The following FECH variants were observed in gnomAD, a reference collection of about 807,000 sequenced individuals.
The protein encoded by FECH is ferrochelatase.
FECH carries 40 observed loss-of-function variants against 56.9 expected under a neutral mutation model. The ratio of observed to expected loss-of-function variants is 0.70; its 90% confidence interval spans 0.55 to 0.92. The LOEUF (loss-of-function observed/expected upper bound fraction) is 0.92. Among genes scored for constraint, FECH ranks in the 40% least tolerant of loss-of-function variants. FECH has a pLI of 0.00. For synonymous variants in FECH, 175 were observed against 198.6 expected (o/e 0.88, Z 1.00); for missense variants, 431 against 529.1 (o/e 0.81, Z 1.82).
chr18:57,579,289 A>ATATGTGTGTGTGTGTG (rs1555681607), intron 2 of FECH, among the ~76,000 whole-genome samples: 126 of 141,996 alleles, frequency 8.9e-4, no homozygotes, highest in Non-Finnish European at 1.0e-3. Flanking sequence ...GTGTGTATAT[A>ATATGTGTGTGTGTGTG]TGTGTGTGTG....
Position 57,547,771 on chromosome 18 carries a change from T to C in FECH, c.*2941A>G, listed in dbSNP as rs1388575507. On this transcript the variant is annotated 3_prime_UTR_variant, in exon 11 of 11. Transcript: ENST00000262093. ...CCTCAGCCTCCTAAGTAGCTGGAAC[T>C]ACAGGCATGTGACACTACACCCAGT... Among the ~76,000 whole-genome samples, 1 of 152,152 alleles carries C rather than the reference T, an allele frequency of 6.6e-6. No individual in the cohort carries two copies. Among genetic ancestry groups the C allele is most frequent in the African/African-American group, 2.4e-5 (1 of 41,442 alleles).
chr18:57,554,136 GAGGA>G (rs2050835410), intron 9 of FECH, 120 bp downstream of exon 9: 4 of 1,032,518 alleles, frequency 3.9e-6, no homozygotes, highest in African/African-American at 1.6e-5. Context: ...TCAGGAGAAT[GAGGA>G]CACCGTACAT....
rs1474244417 is a variant in FECH at position 57,546,062 on chromosome 18, C to T, written c.*4650G>A. Among the ~76,000 whole-genome samples, 3 of 152,102 alleles carry T rather than the reference C, an allele frequency of 2.0e-5. No individual in the cohort carries two copies. The highest frequency in any genetic ancestry group is 7.2e-5 in the African/African-American group (3 of 41,404). ...GAAGCTGAATAATCTTAATTTAGGG[C>T]ATTAGTTTCCGGGTGAGCTCAGAAT... On this transcript the variant is annotated 3_prime_UTR_variant, in exon 11 of 11. Coordinates refer to ENST00000262093, the MANE Select transcript of FECH (RefSeq NM_000140.5).
At position 57,550,575 on chromosome 18, in the gene FECH, A is replaced by G; in HGVS notation, c.*137T>C. On this transcript the variant is annotated 3_prime_UTR_variant, in exon 11 of 11. Coordinates refer to ENST00000262093, the MANE Select transcript of FECH (RefSeq NM_000140.5). ...AAGAGTCCAATCCTCAAGAAACCAC[A>G]CAATTTGTACCCAAAGGCTGTATAT... 9.3e-7 allele frequency: 1 copy of G among 1,075,422 alleles called. No homozygotes were observed. The allele number at this position is 1,075,422 out of a possible 1,614,324, so 66.6% of individuals were successfully genotyped here.
rs1009991628 is a variant in FECH at position 57,546,136 on chromosome 18, A to G, written c.*4576T>C. 5.3e-5 allele frequency among the ~76,000 whole-genome samples: 8 copies of G among 152,276 alleles called. No homozygotes were observed. Among genetic ancestry groups the G allele is most frequent in the African/African-American group, 1.9e-4 (8 of 41,550 alleles). On this transcript the variant is annotated 3_prime_UTR_variant, in exon 11 of 11. Transcript: ENST00000262093. ...CTCAATGAATTTCCCATTTCCACCT[A>G]ACGTTAGGAGCCCTGTTCCTGGGCC...
intron 4 of FECH, among the ~76,000 whole-genome samples, chr18:57,570,026 T>C (rs907185654): frequency 9.8e-6 from 1 of 101,894 alleles, no homozygotes; most frequent in African/African-American, 3.3e-5. Flanking sequence ...TTGTTGTTGT[T>C]GTTGTCGTGT....
intron 2 of FECH, among the ~76,000 whole-genome samples, chr18:57,574,368 T>A (rs989936202): frequency 2.6e-5 from 4 of 152,192 alleles, no homozygotes; most frequent in Non-Finnish European, 4.4e-5. Flanking sequence ...CCTGTTATGA[T>A]AAACTTCTCC....
At chr18:57,569,561 C>T (rs548209148) in intron 4 of FECH, among the ~76,000 whole-genome samples, 1 of 152,284 alleles carries the variant, frequency 6.6e-6, no homozygotes, top group Admixed American at 6.5e-5. Flanking sequence ...ACCCCAGCAG[C>T]CTCACCGGAG....
At chr18:57,561,444 C>T (rs1180226373) in intron 6 of FECH, among the ~76,000 whole-genome samples, 1 of 152,094 alleles carries the variant, frequency 6.6e-6, no homozygotes, top group Non-Finnish European at 1.5e-5. Flanking sequence ...AAAACTGAGG[C>T]GCCATGGGCA....
chr18:57,559,375 T>TA (rs2050911653), intron 6 of FECH, 132 bp from the exon 7 acceptor site: 1 of 671,092 alleles, frequency 1.5e-6, no homozygotes, highest in African/African-American at 1.8e-5. Flanking sequence ...CTCTCTTTTT[T>TA]AAAAAATTGC....
intron 2 of FECH, among the ~76,000 whole-genome samples, chr18:57,574,365 T>C (rs753136255): frequency 6.6e-6 from 1 of 152,188 alleles, no homozygotes; most frequent in Non-Finnish European, 1.5e-5. Flanking sequence ...GCTCCTGTTA[T>C]GATAAACTTC....
chr18:57,565,092 T>G (rs1568148049), intron 5 of FECH, among the ~76,000 whole-genome samples: 1 of 152,244 alleles, frequency 6.6e-6, no homozygotes, highest in Non-Finnish European at 1.5e-5. Context: ...CACTGTCACT[T>G]GGTAGAGCCA....
At chr18:57,551,883 T>TTTCC (rs1340491744) in intron 9 of FECH, among the ~76,000 whole-genome samples, 2 of 149,964 alleles carry the variant, frequency 1.3e-5, no homozygotes, top group Non-Finnish European at 2.9e-5. Context: ...ATATATTCTT[T>TTTCC]TTTCTTTTTT....
In FECH at chr18:57,580,112, T is replaced by C. The variant is rs1413953115; in HGVS notation, c.155A>G (p.His52Arg). 2 of 1,614,070 alleles carry C rather than the reference T, an allele frequency of 1.2e-6. No individual in the cohort carries two copies. Among genetic ancestry groups the C allele is most frequent in the Non-Finnish European group, 1.7e-6 (2 of 1,180,044 alleles). The change falls in exon 2 of 11, where the codon CAT becomes CGT. Residue 52 changes from histidine (H) to arginine (R), a missense_variant. Coordinates refer to ENST00000262093, the MANE Select transcript of FECH (RefSeq NM_000140.5). ...AACTTGAGGTTTTGCACCCTGGGCA[T>C]GCTGGGCTGTTTCTGTGGTGACGGC... is the stretch of plus-strand genomic sequence containing the variant. ...AAAVTTETAQ[H>R]AQGAKPQVQP...
At chr18:57,565,129 C>T (rs2122294378) in intron 5 of FECH, among the ~76,000 whole-genome samples, 1 of 152,328 alleles carries the variant, frequency 6.6e-6, no homozygotes, top group South Asian at 2.1e-4. Context: ...CATAGTCAAT[C>T]TTCTGTCATG....
At chr18:57,585,766 A>G (rs1403002242) in intron 1 of FECH, 1 of 152,192 alleles carries the variant, frequency 6.6e-6, no homozygotes, top group Non-Finnish European at 1.5e-5. Flanking sequence ...GAATGGCTAG[A>G]CATCTTGAGG....
intron 2 of FECH, among the ~76,000 whole-genome samples, chr18:57,577,652 GA>G (rs1315197287): frequency 1.4e-5 from 2 of 140,460 alleles, no homozygotes; most frequent in Non-Finnish European, 3.2e-5. Context: ...AAATAATATA[GA>G]CAAGTATTTA....
At chr18:57,552,391 AT>A (rs2050811334) in intron 9 of FECH, among the ~76,000 whole-genome samples, 1 of 150,174 alleles carries the variant, frequency 6.7e-6, no homozygotes. Flanking sequence ...TATTTATTTT[AT>A]TTTATTTATT....
Position 57,545,820 on chromosome 18 carries a change from C to CAA in FECH, c.*4890_*4891dup, listed in dbSNP as rs146687823. ...CAAGTGTCTAGCTGGAGAAAATTGA[C>CAA]AAAAAAAATAGAAAGTTTGTAAAAT... On this transcript the variant is annotated 3_prime_UTR_variant, in exon 11 of 11. Coordinates refer to ENST00000262093, the MANE Select transcript of FECH (RefSeq NM_000140.5). Among the ~76,000 whole-genome samples, 8 of 151,616 alleles carry CAA rather than the reference C, an allele frequency of 5.3e-5. No homozygotes were observed. Among genetic ancestry groups the CAA allele is most frequent in the Non-Finnish European group, 8.8e-5 (6 of 67,904 alleles).
Sources: gnomAD v4.1 joint callset for allele counts (sites outside exome capture counted in the v4.1 genomes callset) on GRCh38, gnomAD v4.1.1 for gene constraint, MANE v1.5 for transcripts, NCBI Gene and HGNC (gene_info 2026-07-23, HGNC 2026-07-21) for gene names.